Variants in CDH4 observed in about 807,000 individuals in gnomAD.
CDH4 encodes the protein cadherin-4.
A neutral mutation model predicts 86.0 loss-of-function variants in CDH4; 33 were observed. The ratio of observed to expected loss-of-function variants is 0.38; its 90% CI spans 0.29 to 0.51. The LOEUF (loss-of-function observed/expected upper bound fraction) is 0.51. Ranked by LOEUF, CDH4 falls within the 20% of genes least tolerant of loss-of-function variation. The pLI is 0.86. For missense variants in CDH4, 1,114 were observed against 1,307.4 expected, an observed-to-expected ratio of 0.85 and a Z score of 2.28; for synonymous variants, 555 against 549.4, an observed-to-expected ratio of 1.01 and a Z score of -0.14.
intron 2 of CDH4, among the ~76,000 whole-genome samples, chr20:61,362,273 G>A (rs2084787533): frequency 6.6e-6 from 1 of 152,230 alleles, no homozygotes; most frequent in African/African-American, 2.4e-5. Context: ...GGGGTTTTGG[G>A]GTGATGGAAG....
At chr20:61,645,693 G>A (rs1026614596) in intron 2 of CDH4, among the ~76,000 whole-genome samples, 59 of 151,460 alleles carry the variant, frequency 3.9e-4, no homozygotes, top group Non-Finnish European at 1.9e-4. Context: ...GGAACCATGC[G>A]GAGAGCTGCA....
intron 2 of CDH4, among the ~76,000 whole-genome samples, chr20:61,346,855 G>T (rs1054386322): frequency 5.3e-5 from 8 of 152,164 alleles, no homozygotes; most frequent in Non-Finnish European, 1.2e-4. Context: ...ACGGTGAGTG[G>T]GCCAGGGTGG....
intron 2 of CDH4, among the ~76,000 whole-genome samples, chr20:61,292,561 G>A (rs971338148): frequency 6.6e-6 from 1 of 152,218 alleles, no homozygotes; most frequent in African/African-American, 2.4e-5. Flanking sequence ...CCAGTGGATG[G>A]AGGCTGGAGC....
chr20:61,539,061 G>A (rs1440240713), intron 2 of CDH4, among the ~76,000 whole-genome samples: 3 of 152,170 alleles, frequency 2.0e-5, no homozygotes, highest in African/African-American at 4.8e-5. Context: ...GGGATCCACA[G>A]CAGATCCGCA....
chr20:61,339,315 A>G (rs6071586), intron 2 of CDH4, among the ~76,000 whole-genome samples: 8,707 of 152,280 alleles, frequency 0.057, 348 homozygotes, highest in Non-Finnish European at 0.086. Context: ...CAGGTCTTCC[A>G]CTGATGGTGA....
chr20:61,291,840 TCCCAGGACCTAAG>T (rs2084323132), intron 2 of CDH4, among the ~76,000 whole-genome samples: 1 of 152,184 alleles, frequency 6.6e-6, no homozygotes, highest in Admixed American at 6.5e-5. Flanking sequence ...TCATTTCATC[TCCCAGGACCTAAG>T]CCCGATACCC....
intron 2 of CDH4, among the ~76,000 whole-genome samples, chr20:61,572,874 CAGAG>C (rs1420819671): frequency 7.8e-6 from 1 of 127,868 alleles, no homozygotes; most frequent in African/African-American, 3.1e-5. Context: ...GATGGACAGA[CAGAG>C]GGAGAGATGG....
intron 2 of CDH4, among the ~76,000 whole-genome samples, chr20:61,441,062 A>C (rs1170356883): frequency 6.6e-6 from 1 of 152,180 alleles, no homozygotes; most frequent in African/African-American, 2.4e-5. Flanking sequence ...TGAAAAAGAC[A>C]CATTTCTTTA....
intron 2 of CDH4, among the ~76,000 whole-genome samples, chr20:61,407,821 C>T (rs1376337617): frequency 6.6e-6 from 1 of 152,128 alleles, no homozygotes. Flanking sequence ...ACTGTCATGT[C>T]ATTACATTAC....
chr20:61,853,343 G>A (rs899893171), intron 6 of CDH4, among the ~76,000 whole-genome samples: 1 of 152,122 alleles, frequency 6.6e-6, no homozygotes, highest in African/African-American at 2.4e-5. Context: ...AAGTCAGAGG[G>A]CTGAGGCCAC....
At chr20:61,300,344 T>C (rs560320921) in intron 2 of CDH4, among the ~76,000 whole-genome samples, 4 of 152,050 alleles carry the variant, frequency 2.6e-5, no homozygotes, top group African/African-American at 9.6e-5. Context: ...GAGGGAACAG[T>C]GCGTGTGGAG....
At chr20:61,413,532 G>C (rs975352488) in intron 2 of CDH4, among the ~76,000 whole-genome samples, 1 of 152,190 alleles carries the variant, frequency 6.6e-6, no homozygotes, top group Non-Finnish European at 1.5e-5. Flanking sequence ...ACTGCTGCAC[G>C]GGATGGCATG....
At chr20:61,366,629 G>A (rs1249003066) in intron 2 of CDH4, among the ~76,000 whole-genome samples, 1 of 152,222 alleles carries the variant, frequency 6.6e-6, no homozygotes. Flanking sequence ...GGAATATTGG[G>A]CTAGTTAACT....
At chr20:61,322,422 G>A (rs903909932) in intron 2 of CDH4, among the ~76,000 whole-genome samples, 1 of 152,206 alleles carries the variant, frequency 6.6e-6, no homozygotes, top group Admixed American at 6.5e-5. Context: ...GGCTCCTGCA[G>A]TATCTGAGCC....
At chr20:61,303,915 C>T (rs935434764) in intron 2 of CDH4, among the ~76,000 whole-genome samples, 2 of 152,214 alleles carry the variant, frequency 1.3e-5, no homozygotes, top group African/African-American at 4.8e-5. Context: ...ACTTAGGCAA[C>T]ACGTGCACCT....
At chr20:61,373,634 G>C (rs569771349) in intron 2 of CDH4, among the ~76,000 whole-genome samples, 64 of 152,236 alleles carry the variant, frequency 4.2e-4, no homozygotes, top group African/African-American at 1.4e-3. Context: ...GGGAATATGC[G>C]TTCCGATGAC....
At chr20:61,818,023 T>C (rs35183322) in intron 4 of CDH4, among the ~76,000 whole-genome samples, 62,572 of 152,000 alleles carry the variant, frequency 0.41, 15,743 homozygotes, top group Non-Finnish European at 0.57. Context: ...CTTTCTTTTT[T>C]TTTTTTCTTT....
At chr20:61,654,379 A>C (rs2087164367) in intron 2 of CDH4, among the ~76,000 whole-genome samples, 1 of 152,226 alleles carries the variant, frequency 6.6e-6, no homozygotes, top group South Asian at 2.1e-4. Context: ...GCAGCAGTAC[A>C]GTCCAGCTTT....
At chr20:61,766,961 AGTG>A (rs1175342435) in intron 3 of CDH4, among the ~76,000 whole-genome samples, 2 of 152,200 alleles carry the variant, frequency 1.3e-5, no homozygotes, top group African/African-American at 4.8e-5. Context: ...CCCTGTGGGA[AGTG>A]GTGGGATGGG....
Sources: gnomAD v4.1 joint callset for allele counts (sites outside exome capture counted in the v4.1 genomes callset) on GRCh38, gnomAD v4.1.1 for gene constraint, MANE v1.5 for transcripts, NCBI Gene and HGNC (gene_info 2026-07-23, HGNC 2026-07-21) for gene names.